Variants in CDC23 observed in about 807,000 individuals in gnomAD.
CDC23 encodes cell division cycle protein 23 homolog.
CDC23 carries 26 observed loss-of-function variants against 81.7 expected under a neutral mutation model. The observed-to-expected ratio is 0.32, with a 90% CI of 0.23 to 0.44. The LOEUF (loss-of-function observed/expected upper bound fraction) is 0.44. Among genes scored for constraint, CDC23 ranks in the 20% least tolerant of loss-of-function variants. The pLI, the probability that CDC23 is intolerant of heterozygous loss-of-function variation, is 1.00. For synonymous variants in CDC23, 267 were observed against 270.8 expected, an observed-to-expected ratio of 0.99 and a Z score of 0.14; for missense variants, 519 against 728.0, an observed-to-expected ratio of 0.71 and a Z score of 3.30.
rs1416843163 is a variant in CDC23, at chr5:138,189,012, A to T, written c.1760T>A (p.Val587Asp). The T allele has an allele frequency of 6.2e-7, 1 of 1,613,778 alleles. No homozygotes were observed. The highest frequency in any genetic ancestry group is 8.5e-7 in the Non-Finnish European group (1 of 1,179,942). Residue 587 changes from valine to aspartate, a missense_variant, in exon 16 of 16, where the codon GTT (valine) becomes GAT (aspartate). By Grantham distance (152) the Val-to-Asp change is radical (BLOSUM62 -3). Transcript: ENST00000394886. ...GACAGAAGACAAGTTGAGTGGAGAA[A>T]CTCTGCGTGTGGGGGTATTGTTAGC... ...LSANNTPTRR[V>D]SPLNLSSVTP
At chr5:138,195,199 G>A (rs1458926222) in intron 9 of CDC23, among the ~76,000 whole-genome samples, 1 of 151,688 alleles carries the variant, frequency 6.6e-6, no homozygotes, top group Non-Finnish European at 1.5e-5. Flanking sequence ...CCTTGCATAT[G>A]TATATATACA....
chr5:138,199,909 T>C (rs1323734317), intron 6 of CDC23, among the ~76,000 whole-genome samples: 1 of 152,132 alleles, frequency 6.6e-6, no homozygotes, highest in African/African-American at 2.4e-5. Context: ...CTGGGGGAAA[T>C]CAACAAGACT....
chr5:138,189,500 C>A lies in CDC23; in HGVS notation c.1623+133G>T, dbSNP rs2231481. 2,599 of 819,034 alleles carry A rather than the reference C, an allele frequency of 3.2e-3. 62 individuals are homozygous for A. The African/African-American group carries it at 0.04, about 13-fold the overall frequency. The allele number at this position is 819,034 out of a possible 1,614,324, so 50.7% of individuals were successfully genotyped here. A position where few individuals can be genotyped will look rare whatever the true frequency, so the allele number is the denominator to read the frequency against. The stretch of plus-strand genomic sequence containing the variant: ...TCTTGAACTCCTGGACACAAGCGAT[C>A]CTCCTGCCTCAGCCTCCCAAAGTGT... On this transcript the variant is annotated intron_variant, in intron 15 of 15. Coordinates refer to ENST00000394886, the MANE Select transcript of CDC23 (RefSeq NM_004661.4).
At chr5:138,207,967 CTTT>C (rs562305953) in intron 2 of CDC23, among the ~76,000 whole-genome samples, 2 of 144,876 alleles carry the variant, frequency 1.4e-5, no homozygotes, top group African/African-American at 5.1e-5. Context: ...CCCCCAAATT[CTTT>C]TTTTTTTTTG....
intron 3 of CDC23, among the ~76,000 whole-genome samples, chr5:138,203,629 C>G (rs1053674625): frequency 6.6e-6 from 1 of 151,978 alleles, no homozygotes; most frequent in Non-Finnish European, 1.5e-5. Context: ...GATTGGAATT[C>G]GGCCGGGTGC....
chr5:138,196,277 T>C (rs970475776), intron 9 of CDC23, among the ~76,000 whole-genome samples: 2 of 151,916 alleles, frequency 1.3e-5, no homozygotes, highest in Non-Finnish European at 2.9e-5. Context: ...TTAATAATTA[T>C]TCTTCTCATA....
At chr5:138,204,505 A>G (rs1479506668) in intron 3 of CDC23, among the ~76,000 whole-genome samples, 2 of 74,908 alleles carry the variant, frequency 2.7e-5, no homozygotes, top group Non-Finnish European at 7.3e-5. Flanking sequence ...ACTCCATTTC[A>G]AAAAAAAAAA....
intron 2 of CDC23, among the ~76,000 whole-genome samples, chr5:138,206,903 A>G (rs1755056457): frequency 7.1e-6 from 1 of 141,258 alleles, no homozygotes; most frequent in Non-Finnish European, 1.5e-5. Context: ...TTTTTGAGAC[A>G]GAGCCTCACT....
intron 6 of CDC23, 88 bp downstream of exon 6, chr5:138,201,019 C>T: frequency 6.8e-7 from 1 of 1,461,382 alleles, no homozygotes; most frequent in Non-Finnish European, 9.3e-7. Context: ...AACCAAAGCC[C>T]TGCCAAAACT....
chr5:138,207,360 T>C (rs1209765306), intron 2 of CDC23, among the ~76,000 whole-genome samples: 4 of 152,150 alleles, frequency 2.6e-5, no homozygotes, highest in Non-Finnish European at 5.9e-5. Flanking sequence ...TTCAGGACAT[T>C]GGTAGGGAGG....
At chr5:138,195,760 T>C (rs1304106291) in intron 9 of CDC23, among the ~76,000 whole-genome samples, 1 of 116,874 alleles carries the variant, frequency 8.6e-6, no homozygotes, top group African/African-American at 3.5e-5. Context: ...TATATATACA[T>C]ATATTATATA....
At chr5:138,199,295 TTA>T (rs1754959507) in intron 6 of CDC23, among the ~76,000 whole-genome samples, 1 of 151,944 alleles carries the variant, frequency 6.6e-6, no homozygotes. Flanking sequence ...CATGGGAGCT[TTA>T]AGAATAAGTT....
Position 138,198,520 on chromosome 5 carries a change from A to G in CDC23, c.836T>C (p.Ile279Thr). The G allele has an allele frequency of 6.2e-7, 1 of 1,613,980 alleles. No individual in the cohort carries two copies. Among genetic ancestry groups the G allele is most frequent in the South Asian group, 1.1e-5 (1 of 91,066 alleles). The change falls in exon 8 of 16, where the codon ATT (isoleucine) becomes ACT (threonine). Residue 279 changes from isoleucine (I) to threonine (T), a missense_variant. Coordinates refer to ENST00000394886, the MANE Select transcript of CDC23 (RefSeq NM_004661.4). ...ATTAAAAATGGAGAGGGCTTTGTCA[A>G]TATCTGCAGAAAGAAGATAGTTCAG... ...IAVAYHNIRD[I>T]DKALSIFNEL...
chr5:138,195,670 A>T (rs1329082413), intron 9 of CDC23, among the ~76,000 whole-genome samples: 2 of 113,636 alleles, frequency 1.8e-5, no homozygotes, highest in Admixed American at 1.2e-4. Context: ...CATATATTTT[A>T]TATATGCATA....
intron 9 of CDC23, among the ~76,000 whole-genome samples, chr5:138,193,696 C>T (rs1369694159): frequency 6.6e-6 from 1 of 151,450 alleles, no homozygotes; most frequent in Non-Finnish European, 1.5e-5. Context: ...TGGTGGATCA[C>T]GCCTGTAATC....
intron 15 of CDC23, 71 bp downstream of exon 15, chr5:138,189,562 T>G: frequency 6.6e-7 from 1 of 1,506,576 alleles, no homozygotes; most frequent in Non-Finnish European, 9.0e-7. Context: ...CTGGCCAAGG[T>G]AGGCTTTCCA....
chr5:138,209,495 A>G (rs1288617755), intron 2 of CDC23, among the ~76,000 whole-genome samples: 7 of 151,932 alleles, frequency 4.6e-5, no homozygotes, highest in Non-Finnish European at 7.4e-5. Flanking sequence ...TTAAGGCCTT[A>G]TATGACATGC....
At chr5:138,190,871 CAAA>C (rs35904455) in intron 13 of CDC23, among the ~76,000 whole-genome samples, 6 of 142,756 alleles carry the variant, frequency 4.2e-5, no homozygotes, top group Non-Finnish European at 7.7e-5. Flanking sequence ...CTATAAATTA[CAAA>C]AAAAAAAAAA....
At chr5:138,192,459 C>T (rs746278426) in intron 10 of CDC23, 45 bp downstream of exon 10, 3 of 1,613,388 alleles carry the variant, frequency 1.9e-6, no homozygotes, top group Non-Finnish European at 1.7e-6. Context: ...TTAGAGGCTC[C>T]TAACCACAGC....
Sources: gnomAD v4.1 joint callset for allele counts (sites outside exome capture counted in the v4.1 genomes callset) on GRCh38, gnomAD v4.1.1 for gene constraint, MANE v1.5 for transcripts, NCBI Gene and HGNC (gene_info 2026-07-23, HGNC 2026-07-21) for gene names.